MYOF: variants seen among roughly 807,000 people sequenced by gnomAD.
The protein encoded by MYOF is myoferlin.
MYOF carries 244 observed loss-of-function variants against 284.2 expected under a neutral mutation model. That is an observed-to-expected ratio of 0.86 (90% CI 0.77 to 0.95). MYOF has a LOEUF of 0.95. Among genes scored for constraint, MYOF ranks in the 40% least tolerant of loss-of-function variants. The probability of loss-of-function intolerance (pLI) is 0.00; values close to 1 mark genes in which losing one functional copy is unlikely to be tolerated. For synonymous variants in MYOF, 904 were observed against 919.7 expected (o/e 0.98, Z 0.31); for missense variants, 2,496 against 2,560.6 (o/e 0.97, Z 0.54).
chr10:93,328,708 T>C, intron 45 of MYOF, 55 bp downstream of exon 45: 3 of 1,539,424 alleles, frequency 1.9e-6, no homozygotes, highest in Non-Finnish European at 2.7e-6. Context: ...AACCCAGCAA[T>C]ATATATGGGT....
chr10:93,409,316 T>A (rs1439013937), intron 6 of MYOF, among the ~76,000 whole-genome samples: 2 of 152,166 alleles, frequency 1.3e-5, no homozygotes, highest in Non-Finnish European at 2.9e-5. Context: ...ATTCTTTGAT[T>A]AGCTCTTTCC....
intron 45 of MYOF, among the ~76,000 whole-genome samples, chr10:93,326,591 C>T (rs1420619248): frequency 6.6e-6 from 1 of 152,144 alleles, no homozygotes; most frequent in East Asian, 1.9e-4. Flanking sequence ...TTTGGAGGTT[C>T]AGTTTTTACA....
chr10:93,321,958 T>C (rs1407271105), intron 48 of MYOF, among the ~76,000 whole-genome samples: 1 of 151,500 alleles, frequency 6.6e-6, no homozygotes, highest in African/African-American at 2.4e-5. Context: ...ATTAGAGGAG[T>C]TTTCTCTCCG....
intron 48 of MYOF, among the ~76,000 whole-genome samples, chr10:93,322,211 TTTG>T (rs905944016): frequency 1.3e-4 from 20 of 152,344 alleles, no homozygotes; most frequent in African/African-American, 4.6e-4. Flanking sequence ...TAGGTGAAAC[TTTG>T]TTCTCACTTT....
intron 21 of MYOF, among the ~76,000 whole-genome samples, chr10:93,377,972 T>A (rs1845915004): frequency 6.6e-6 from 1 of 152,222 alleles, no homozygotes. Flanking sequence ...TAAATAGACA[T>A]ACATGTGTCT....
intron 5 of MYOF, among the ~76,000 whole-genome samples, chr10:93,424,116 T>C (rs914687806): frequency 6.6e-6 from 1 of 152,162 alleles, no homozygotes; most frequent in East Asian, 1.9e-4. Context: ...TTTCCAGAAC[T>C]GCGAGAGAAT....
chr10:93,404,229 C>T lies in MYOF; in HGVS notation c.730-10G>A. ...CATTGTAGAAAAACAACTGCCAAAA[C>T]AATAGAGCAGATGTTTAAATGTTAA... is the stretch of plus-strand genomic sequence containing the variant. On this transcript the variant is annotated splice_polypyrimidine_tract_variant and intron_variant, in intron 7 of 53. Coordinates refer to ENST00000359263, the MANE Select transcript of MYOF (RefSeq NM_013451.4). 1.2e-6 allele frequency: 2 copies of T among 1,613,604 alleles called. No homozygotes were observed. Among genetic ancestry groups the T allele is most frequent in the Non-Finnish European group, 1.7e-6 (2 of 1,179,698 alleles).
intron 5 of MYOF, among the ~76,000 whole-genome samples, chr10:93,417,975 T>G (rs1377463790): frequency 6.6e-6 from 1 of 152,140 alleles, no homozygotes; most frequent in Non-Finnish European, 1.5e-5. Flanking sequence ...CTATTTTTAT[T>G]TTTTTGGAGA....
intron 19 of MYOF, among the ~76,000 whole-genome samples, chr10:93,383,202 T>A (rs549309390): frequency 6.6e-6 from 1 of 152,184 alleles, no homozygotes; most frequent in South Asian, 2.1e-4. Flanking sequence ...TGGCTGGAAT[T>A]TTTAAATTTT....
chr10:93,306,998 A>C lies in MYOF; in HGVS notation c.6151T>G (p.Tyr2051Asp). The C allele has an allele frequency of 1.2e-6, 2 of 1,612,738 alleles. No individual in the cohort carries two copies. The highest frequency in any genetic ancestry group is 8.5e-7 in the Non-Finnish European group (1 of 1,178,990). Residue 2051 changes from tyrosine to aspartate, a missense_variant, in exon 54 of 54, where the codon TAT becomes GAT. Tyr to Asp is a radical substitution (Grantham distance 160, BLOSUM62 -3). Coordinates refer to ENST00000359263, the MANE Select transcript of MYOF (RefSeq NM_013451.4). ...GGCTTTACAATCTTCATTGACAAAT[A>C]GTTCTGGAAAGGAAACAAAAACAGT... is the stretch of plus-strand genomic sequence containing the variant. ...VAVLLYSLPN[Y>D]LSMKIVKPNV
intron 53 of MYOF, 35 bp from the exon 54 acceptor site, chr10:93,307,036 T>G: frequency 6.4e-7 from 1 of 1,570,334 alleles, no homozygotes; most frequent in Non-Finnish European, 8.8e-7. Context: ...TAAAAAAACA[T>G]GTATGTATAT....
intron 5 of MYOF, among the ~76,000 whole-genome samples, chr10:93,420,083 A>T (rs1040439749): frequency 6.6e-6 from 1 of 152,210 alleles, no homozygotes; most frequent in Admixed American, 6.5e-5. Context: ...CAGTGAGCTG[A>T]GATCACTGGG....
intron 5 of MYOF, among the ~76,000 whole-genome samples, chr10:93,423,558 G>C (rs903612350): frequency 3.6e-5 from 5 of 137,252 alleles, no homozygotes; most frequent in Admixed American, 3.1e-4. Flanking sequence ...AAAAAGCCGA[G>C]TGCAGTGGTT....
intron 37 of MYOF, 50 bp downstream of exon 37, chr10:93,347,567 A>AAAAAAAAAAAAAAAT: frequency 1.7e-6 from 2 of 1,186,090 alleles, no homozygotes; most frequent in Non-Finnish European, 2.2e-6. Context: ...TCAAAAAAAA[A>AAAAAAAAAAAAAAAT]AAAAAAAAAA....
intron 18 of MYOF, among the ~76,000 whole-genome samples, chr10:93,388,620 G>A (rs760352985): frequency 2.6e-5 from 4 of 152,164 alleles, no homozygotes; most frequent in Non-Finnish European, 2.9e-5. Context: ...CTTCTGTTGT[G>A]GTAAAAAGAG....
chr10:93,359,684 G>T (rs973232048), intron 29 of MYOF, 149 bp downstream of exon 29: 3 of 932,120 alleles, frequency 3.2e-6, no homozygotes, highest in Non-Finnish European at 4.8e-6. Context: ...GATATTGCTG[G>T]CTGGGGTGGG....
Position 93,373,021 on chromosome 10 carries a change from G to C in MYOF, c.2366C>G (p.Ala789Gly). The C allele has an allele frequency of 1.2e-6, 2 of 1,614,194 alleles. No individual in the cohort carries two copies. The change falls in exon 24 of 54, where the codon GCA becomes GGA. Residue 789 changes from alanine (A) to glycine (G), a missense_variant. By Grantham distance (60) the Ala-to-Gly change is moderately conservative. Coordinates refer to ENST00000359263, the MANE Select transcript of MYOF (RefSeq NM_013451.4). ...CAAGACCTGATGTGCGGGAATTCGT[G>C]CATAGGCCAGTCTCTTCTCTCCCCG... ...MIRGEKRLAY[A>G]RIPAHQVLYS...
chr10:93,397,990 G>A (rs1207376726), intron 13 of MYOF, among the ~76,000 whole-genome samples: 1 of 152,154 alleles, frequency 6.6e-6, no homozygotes, highest in Non-Finnish European at 1.5e-5. Context: ...ACCTGCGGTT[G>A]TCTATCTGAA....
Position 93,359,894 on chromosome 10 carries a change from C to T in MYOF, c.3059G>A (p.Arg1020Gln), listed in dbSNP as rs761738450. 7 of 1,614,044 alleles carry T rather than the reference C, an allele frequency of 4.3e-6. No individual in the cohort carries two copies. Among genetic ancestry groups the T allele is most frequent in the African/African-American group, 2.7e-5 (2 of 74,922 alleles). ...CTTGCGTTTTCGGACCAGCCTTCGC[C>T]GTCTATGAGTGTGGTACATTTTCTC... ...AAEKMYHTHR[R>Q]RRLVRKRKKD... Residue 1020 changes from arginine (R) to glutamine (Q), a missense_variant, in exon 29 of 54, where the codon CGG becomes CAG. Around this residue, in one of 3 missense-constraint regions of MYOF, gnomAD observed 2,436 missense variants for 2,480.7 expected, o/e 0.98. Coordinates refer to ENST00000359263, the MANE Select transcript of MYOF (RefSeq NM_013451.4).
Sources: allele counts gnomAD v4.1 joint callset (sites outside exome capture counted in the v4.1 genomes callset), GRCh38; gene constraint gnomAD v4.1.1; regional missense constraint gnomAD v4.1.1; transcripts MANE v1.5; gene names NCBI Gene and HGNC (gene_info 2026-07-23, HGNC 2026-07-21).